The following CELF3 variants were observed in gnomAD, a reference collection of about 807,000 sequenced individuals.
The protein encoded by CELF3 is CAG repeat domain.
In CELF3, 26 loss-of-function variants were observed where a neutral mutation model predicts 59.6. That is an observed-to-expected ratio of 0.44 (90% CI 0.32 to 0.61). The LOEUF is 0.61. Ranked by LOEUF, CELF3 falls within the 20% of genes least tolerant of loss-of-function variation. The probability of loss-of-function intolerance (pLI) is 0.06; values close to 1 mark genes in which losing one functional copy is unlikely to be tolerated. For synonymous variants in CELF3, 245 were observed against 250.7 expected, an observed-to-expected ratio of 0.98 and a Z score of 0.22; for missense variants, 387 against 627.2, an observed-to-expected ratio of 0.62 and a Z score of 4.09.
At chr1:151,713,250 G>A (rs1240593649) in intron 2 of CELF3, among the ~76,000 whole-genome samples, 1 of 152,180 alleles carries the variant, frequency 6.6e-6, no homozygotes, top group African/African-American at 2.4e-5. Context: ...ACCCTGGGCT[G>A]GACTTCCTCA....
In CELF3 at chr1:151,716,437, A is replaced by G; in HGVS notation, c.-417T>C. ...GGGCCTGAGGAGGGTGATGGGGAGG[A>G]GACTGAGGGGTTAAGGGGCCTGCTA... is the stretch of plus-strand genomic sequence containing the variant. On this transcript the variant is annotated 5_prime_UTR_variant, in exon 1 of 13. Transcript: ENST00000290583. 3.5e-6 allele frequency: 1 copy of G among 285,470 alleles called. No individual in the cohort carries two copies. The highest frequency in any genetic ancestry group is 7.0e-6 in the Non-Finnish European group (1 of 143,812). 17.7% of individuals were successfully genotyped at this position (285,470 alleles called of 1,614,324 possible). A position where few individuals can be genotyped will look rare whatever the true frequency, so the allele number is the denominator to read the frequency against.
chr1:151,715,522 G>GCACACACA, intron 1 of CELF3: 1 of 804,058 alleles, frequency 1.2e-6, no homozygotes, highest in South Asian at 1.5e-5. Context: ...TGCTGCACAC[G>GCACACACA]CACACACACA....
rs756325850 is a variant in CELF3 at position 151,707,495 on chromosome 1, C to T, written c.772+12G>A. ...TGCTTAGCTCCCTTGCCCGGCCTTG[C>T]CCAGGCCATACCTGAGGATGGGGTG... On this transcript the variant is annotated intron_variant, in intron 7 of 12. Coordinates refer to ENST00000290583, the MANE Select transcript of CELF3 (RefSeq NM_007185.7). The T allele has an allele frequency of 1.2e-6, 2 of 1,610,176 alleles. No homozygotes were observed. Among genetic ancestry groups the T allele is most frequent in the Non-Finnish European group, 1.7e-6 (2 of 1,179,278 alleles).
rs922253366 is a variant in CELF3, at chr1:151,705,193, C to T, written c.1271-25G>A. The T allele has an allele frequency of 5.0e-6, 8 of 1,599,552 alleles. No homozygotes were observed. In the Admixed American group the frequency reaches 5.1e-5, roughly 10 times the overall value. On this transcript the variant is annotated intron_variant, in intron 11 of 12. Coordinates refer to ENST00000290583, the MANE Select transcript of CELF3 (RefSeq NM_007185.7). The surrounding 1 kb of genome is among the most constrained non-coding windows in gnomAD (Gnocchi z 5.1). ...CCTGGGGTGAGAGGGGCATAAGGCCCGGCCCAGCCCCACCTCGCTCTTCCG... is the reference window on the plus strand; with the variant it reads ...CCTGGGGTGAGAGGGGCATAAGGCCTGGCCCAGCCCCACCTCGCTCTTCCG...
At chr1:151,707,713 C>G (rs115220273) in intron 6 of CELF3, 65 bp from the exon 7 acceptor site, 60 of 1,598,654 alleles carry the variant, frequency 3.8e-5, no homozygotes, top group Non-Finnish European at 5.1e-5. Context: ...CCTCCCAGCC[C>G]GGGGCCTTGG....
Position 151,715,968 on chromosome 1 carries a change from A to G in CELF3, c.53T>C (p.Leu18Pro). Reference protein sequence around the residue: ...KLFVGQIPRHLEEKDLKPIFE... With the variant: ...KLFVGQIPRHPEEKDLKPIFE... Reference sequence around the variant, plus strand: ...GATGGGCTTCAGGTCCTTCTCCTCCAGATGCCTCGGGATCTGCCCCACAAA... The same window carrying G: ...GATGGGCTTCAGGTCCTTCTCCTCCGGATGCCTCGGGATCTGCCCCACAAA... Residue 18 changes from leucine to proline, a missense_variant, in exon 1 of 13, where the codon CTG becomes CCG. By Grantham distance (98) the Leu-to-Pro change is moderately conservative. Coordinates refer to ENST00000290583, the MANE Select transcript of CELF3 (RefSeq NM_007185.7). 6.2e-7 allele frequency: 1 copy of G among 1,614,170 alleles called. No individual in the cohort carries two copies. Among genetic ancestry groups the G allele is most frequent in the Non-Finnish European group, 8.5e-7 (1 of 1,180,006 alleles).
chr1:151,715,625 G>A, intron 1 of CELF3: 2 of 1,475,626 alleles, frequency 1.4e-6, no homozygotes, highest in African/African-American at 1.4e-5. Context: ...ACACCCATAT[G>A]TCTGGGATCC....
intron 10 of CELF3, 72 bp downstream of exon 10, chr1:151,706,152 C>T (rs1672500433): frequency 2.5e-6 from 4 of 1,609,374 alleles, no homozygotes; most frequent in Middle Eastern, 2.2e-4. Context: ...GAGCTGGGCT[C>T]AGCGCGGGGT....
Position 151,709,048 on chromosome 1 carries a change from C to T in CELF3, c.436G>A (p.Ala146Thr), listed in dbSNP as rs202171109. ...GTGTTGATGGCCGCCTGGGCCTCAGCGTGGGTCTGGAACTTCACGAAGGCG... is the reference window on the plus strand; with the variant it reads ...GTGTTGATGGCCGCCTGGGCCTCAGTGTGGGTCTGGAACTTCACGAAGGCG... ...GCAFVKFQTH[A>T]EAQAAINTLH... The change falls in exon 5 of 13, where the codon GCT becomes ACT. Residue 146 changes from alanine to threonine, a missense_variant. By Grantham distance (58) the Ala-to-Thr change is moderately conservative. Coordinates refer to ENST00000290583, the MANE Select transcript of CELF3 (RefSeq NM_007185.7). The surrounding 1 kb of genome is among the most constrained non-coding windows in gnomAD (Gnocchi z 4.9). The T allele has an allele frequency of 4.0e-5, 64 of 1,613,696 alleles. No homozygotes were observed. Among genetic ancestry groups the T allele is most frequent in the East Asian group, 2.2e-5 (1 of 44,848 alleles).
rs1269352664 is a variant in CELF3, at chr1:151,709,200, G to A, written c.406+20C>T. 1 of 1,611,746 alleles carries A rather than the reference G, an allele frequency of 6.2e-7. No individual in the cohort carries two copies. Among genetic ancestry groups the A allele is most frequent in the South Asian group, 1.1e-5 (1 of 91,038 alleles). The stretch of plus-strand genomic sequence containing the variant: ...GGAAGGGGAAGGGCCCGGTGGGGAA[G>A]GGGGAAGTGGGTGGACTACCTTTGC... On this transcript the variant is annotated intron_variant, in intron 4 of 12. Transcript: ENST00000290583. The surrounding 1 kb of genome is among the most constrained non-coding windows in gnomAD (Gnocchi z 4.9).
At chr1:151,708,169 G>A in intron 5 of CELF3, 2 of 491,794 alleles carry the variant, frequency 4.1e-6, no homozygotes, top group Non-Finnish European at 7.2e-6. Context: ...TGCTTGGAAA[G>A]TGAAAAGCCT....
chr1:151,708,024 CATGGCATGG>C (rs776621130), intron 5 of CELF3, 89 bp from the exon 6 acceptor site: 315 of 1,447,382 alleles, frequency 2.2e-4, no homozygotes, highest in Non-Finnish European at 2.8e-4. Flanking sequence ...ATTCCACCCC[CATGGCATGG>C]CTTGGCCTCT....
At chr1:151,704,723 C>T (rs1358910501) in intron 12 of CELF3, among the ~76,000 whole-genome samples, 1 of 152,082 alleles carries the variant, frequency 6.6e-6, no homozygotes, top group Admixed American at 6.6e-5. Context: ...TGGACACTGA[C>T]CAGACAAACG....
Position 151,716,295 on chromosome 1 carries a change from A to C in CELF3, c.-275T>G. ...GATCTCCCTCCCAGAGATCTGGCAA[A>C]TGTCCCAGGATGGGGGTGAGTATGG... is the stretch of plus-strand genomic sequence containing the variant. On this transcript the variant is annotated 5_prime_UTR_variant, in exon 1 of 13. Transcript: ENST00000290583. 2.4e-6 allele frequency: 1 copy of C among 414,596 alleles called. No individual in the cohort carries two copies. 25.7% of individuals were successfully genotyped at this position (414,596 alleles called of 1,614,324 possible). A position where few individuals can be genotyped will look rare whatever the true frequency, so the allele number is the denominator to read the frequency against.
intron 8 of CELF3, 66 bp downstream of exon 8, chr1:151,707,079 G>C: frequency 7.2e-7 from 1 of 1,397,878 alleles, no homozygotes. Flanking sequence ...GGTGTGTCCT[G>C]CCTCCCTAAT....
intron 2 of CELF3, chr1:151,713,623 A>C (rs1016266419): frequency 1.3e-5 from 2 of 152,158 alleles, no homozygotes; most frequent in Non-Finnish European, 2.9e-5. Context: ...CAAACCCCAC[A>C]CATCTGGCCT....
In CELF3 at chr1:151,716,031, C is replaced by A; in HGVS notation, c.-11G>T. 1.2e-6 allele frequency: 2 copies of A among 1,606,732 alleles called. No homozygotes were observed. Among genetic ancestry groups the A allele is most frequent in the Non-Finnish European group, 1.7e-6 (2 of 1,175,852 alleles). ...ATCCGGCTCCTTCATTGAGGCGGCC[C>A]AGGAGGAGGGGCCGAGGGGAGCAGG... is the stretch of plus-strand genomic sequence containing the variant. On this transcript the variant is annotated 5_prime_UTR_variant, in exon 1 of 13. Coordinates refer to ENST00000290583, the MANE Select transcript of CELF3 (RefSeq NM_007185.7).
Position 151,705,435 on chromosome 1 carries a change from G to A in CELF3, c.1271-267C>T, listed in dbSNP as rs1046389127. ...AGCTCTGAGCCTGCCCTTTGAAAACGGCCACTTCCAGACCCTAAATGGCTT... is the reference window on the plus strand; with the variant it reads ...AGCTCTGAGCCTGCCCTTTGAAAACAGCCACTTCCAGACCCTAAATGGCTT... On this transcript the variant is annotated intron_variant, in intron 11 of 12. Transcript: ENST00000290583. This position sits in a 1 kb window ranked among gnomAD's most constrained non-coding sequence, Gnocchi z 5.1. Among the ~76,000 whole-genome samples the A allele has an allele frequency of 6.6e-6, 1 of 152,146 alleles. No individual in the cohort carries two copies. The highest frequency in any genetic ancestry group is 2.1e-4 in the South Asian group (1 of 4,828).
chr1:151,715,448 A>G (rs927793967), intron 1 of CELF3, among the ~76,000 whole-genome samples: 1 of 151,852 alleles, frequency 6.6e-6, no homozygotes, highest in Non-Finnish European at 1.5e-5. Flanking sequence ...TCCACATTGA[A>G]CACCTGACCC....
Sources: gnomAD v4.1 joint callset for allele counts (sites outside exome capture counted in the v4.1 genomes callset) on GRCh38, gnomAD v4.1.1 for gene constraint, Gnocchi (gnomAD v3.1) non-coding constraint, MANE v1.5 for transcripts, NCBI Gene and HGNC (gene_info 2026-07-23, HGNC 2026-07-21) for gene names.